The following KIF24 variants were observed in gnomAD, a reference collection of about 807,000 sequenced individuals.
KIF24 encodes kinesin family member 24, also known as kinesin-like protein KIF24.
Under a neutral mutation model 118.9 loss-of-function variants are expected in KIF24, and 81 were observed. That is an observed-to-expected ratio of 0.68 (90% CI 0.57 to 0.82). KIF24 has a LOEUF of 0.82. KIF24 is among the 40% of genes least tolerant of loss of function. The pLI is 0.00. For synonymous variants in KIF24, 599 were observed against 610.0 expected (o/e 0.98, Z 0.27); for missense variants, 1,560 against 1,661.6 (o/e 0.94, Z 1.06).
At chr9:34,308,287 C>CTT (rs35870541) in intron 2 of KIF24, among the ~76,000 whole-genome samples, 44 of 142,300 alleles carry the variant, frequency 3.1e-4, no homozygotes, top group South Asian at 6.8e-4. Flanking sequence ...ATTTTTAATG[C>CTT]TTTTTTTTTT....
intron 1 of KIF24, among the ~76,000 whole-genome samples, chr9:34,313,738 GTTTTTTTTTTTTTGT>G (rs1487534388): frequency 5.4e-5 from 7 of 130,360 alleles, no homozygotes; most frequent in Non-Finnish European, 1.1e-4. Context: ...CCCGTTATCT[GTTTTTTTTTTTTTGT>G]TTTTTTTTTT....
At chr9:34,313,739 T>G (rs1285902692) in intron 1 of KIF24, among the ~76,000 whole-genome samples, 1 of 12,884 alleles carries the variant, frequency 7.8e-5, no homozygotes, top group Non-Finnish European at 2.8e-4. Flanking sequence ...CCGTTATCTG[T>G]TTTTTTTTTT....
intron 3 of KIF24, among the ~76,000 whole-genome samples, chr9:34,300,373 ATT>A (rs754529903): frequency 6.9e-6 from 1 of 145,138 alleles, no homozygotes; most frequent in Non-Finnish European, 1.5e-5. Context: ...ATCTGGTGGT[ATT>A]TTTTTTTTTT....
At chr9:34,258,559 A>G (rs1834942280) in intron 10 of KIF24, among the ~76,000 whole-genome samples, 1 of 152,198 alleles carries the variant, frequency 6.6e-6, no homozygotes, top group African/African-American at 2.4e-5. Context: ...TTTGGAAATC[A>G]CCACAGCCCC....
intron 5 of KIF24, 133 bp from the exon 6 acceptor site, chr9:34,286,837 C>T: frequency 3.1e-6 from 2 of 649,702 alleles, no homozygotes; most frequent in East Asian, 5.4e-5. Context: ...TGCTTATCCT[C>T]CTCCCAACCC....
At chr9:34,254,633 C>G in intron 12 of KIF24, 113 bp from the exon 13 acceptor site, 2 of 1,084,172 alleles carry the variant, frequency 1.8e-6, no homozygotes, top group Non-Finnish European at 2.7e-6. Flanking sequence ...GCCACTCTTC[C>G]AGCGGGAGAA....
chr9:34,317,040 C>T (rs995492859), intron 1 of KIF24, among the ~76,000 whole-genome samples: 10 of 151,978 alleles, frequency 6.6e-5, no homozygotes, highest in South Asian at 2.1e-4. Context: ...AATAGTGAAA[C>T]GCCGTCTCTG....
At chr9:34,303,999 GGTTT>G (rs1324225470) in intron 3 of KIF24, among the ~76,000 whole-genome samples, 2 of 151,942 alleles carry the variant, frequency 1.3e-5, no homozygotes, top group African/African-American at 4.8e-5. Context: ...GAAACAATAT[GGTTT>G]GTTTCCTTGT....
In KIF24 at chr9:34,252,888, T is replaced by TAA. The variant is rs1834655087; in HGVS notation, c.*1490_*1491dup. On this transcript the variant is annotated 3_prime_UTR_variant, in exon 13 of 13. Coordinates refer to ENST00000402558, the MANE Select transcript of KIF24 (RefSeq NM_194313.4). The stretch of plus-strand genomic sequence containing the variant: ...TTTGCCACAAGCAGAGGATGGGATT[T>TAA]AAACTGTTTCACCAGCTCTCAGTGG... 6.6e-6 allele frequency: 1 copy of TAA among 152,176 alleles called. No homozygotes were observed. Among genetic ancestry groups the TAA allele is most frequent in the Non-Finnish European group, 1.5e-5 (1 of 68,054 alleles). 9.4% of individuals were successfully genotyped at this position (152,176 alleles called of 1,614,324 possible).
chr9:34,292,817 C>G (rs557604806), intron 4 of KIF24, among the ~76,000 whole-genome samples: 6 of 152,108 alleles, frequency 3.9e-5, no homozygotes, highest in Non-Finnish European at 7.3e-5. Context: ...AAAATTTGAA[C>G]ACACTAAGGA....
intron 1 of KIF24, chr9:34,319,083 C>T (rs1837428310): frequency 1.5e-6 from 2 of 1,334,750 alleles, no homozygotes. Context: ...TTCATGGTGA[C>T]TCGGTTCTAT....
intron 4 of KIF24, among the ~76,000 whole-genome samples, chr9:34,291,355 G>C (rs531231814): frequency 3.2e-4 from 49 of 152,156 alleles, no homozygotes; most frequent in Admixed American, 8.5e-4. Context: ...GAAAAAAAAA[G>C]CCTGGGCTCT....
chr9:34,333,027 G>A (rs1379723217), upstream of KIF24, among the ~76,000 whole-genome samples: 3 of 152,044 alleles, frequency 2.0e-5, no homozygotes, highest in African/African-American at 7.3e-5. Flanking sequence ...CTTGTGGGCA[G>A]GCAAACAGTT....
chr9:34,295,386 A>T (rs1470459978), intron 4 of KIF24, among the ~76,000 whole-genome samples: 2 of 152,136 alleles, frequency 1.3e-5, no homozygotes, highest in African/African-American at 4.8e-5. Context: ...TAAAAAAAAA[A>T]ATTTTATAGA....
At chr9:34,275,920 T>C (rs1345681861) in intron 6 of KIF24, among the ~76,000 whole-genome samples, 1 of 152,226 alleles carries the variant, frequency 6.6e-6, no homozygotes, top group Non-Finnish European at 1.5e-5. Context: ...AACAACCTCT[T>C]GAGTTTGTTC....
chr9:34,279,561 G>A (rs1440145033), intron 6 of KIF24, among the ~76,000 whole-genome samples: 1 of 152,234 alleles, frequency 6.6e-6, no homozygotes, highest in Admixed American at 6.5e-5. Context: ...GCCTGCGTTG[G>A]CAAGAAATCA....
chr9:34,290,210 C>A lies in KIF24; in HGVS notation c.1091G>T (p.Cys364Phe). 6.2e-7 allele frequency: 1 copy of A among 1,613,752 alleles called. No individual in the cohort carries two copies. The highest frequency in any genetic ancestry group is 1.3e-5 in the African/African-American group (1 of 74,982). ...FVWISFYEIYCGQLYDLLNRR... is the reference protein window; with the variant it reads ...FVWISFYEIYFGQLYDLLNRR... ...ATTTAGGAGGTCATAAAGCTGTCCA[C>A]AGTAAATTTCATAGAAGCTGATCCA... Residue 364 changes from cysteine (C) to phenylalanine (F), a missense_variant, in exon 5 of 13, where the codon TGT (cysteine) becomes TTT (phenylalanine). By Grantham distance (205) the Cys-to-Phe change is radical. This residue lies in a region of KIF24 where 964 missense variants were observed against 988.0 expected (regional missense o/e 0.98). Coordinates refer to ENST00000402558, the MANE Select transcript of KIF24 (RefSeq NM_194313.4).
At chr9:34,302,355 G>A (rs1836751150) in intron 3 of KIF24, among the ~76,000 whole-genome samples, 1 of 152,000 alleles carries the variant, frequency 6.6e-6, no homozygotes, top group Admixed American at 6.6e-5. Context: ...CCAGGTTGGA[G>A]TGCAGTGGCA....
chr9:34,267,664 T>A (rs1420471226), intron 8 of KIF24, among the ~76,000 whole-genome samples: 2 of 152,184 alleles, frequency 1.3e-5, no homozygotes, highest in Non-Finnish European at 2.9e-5. Flanking sequence ...CAGCATGTAG[T>A]CAATATGAAA....
Sources: gnomAD v4.1 joint callset for allele counts (sites outside exome capture counted in the v4.1 genomes callset) on GRCh38, gnomAD v4.1.1 for gene constraint, gnomAD v4.1.1 regional missense constraint, MANE v1.5 for transcripts, NCBI Gene and HGNC (gene_info 2026-07-23, HGNC 2026-07-21) for gene names.